The following ZBBX variants were observed in gnomAD, a reference collection of about 807,000 sequenced individuals.
The protein encoded by ZBBX is zinc finger B-box domain-containing protein 1.
In ZBBX, 101 loss-of-function variants were observed where a neutral mutation model predicts 108.5. The observed-to-expected ratio is 0.93, with a 90% CI of 0.79 to 1.10. The LOEUF (loss-of-function observed/expected upper bound fraction) is 1.10, where lower values mean the gene tolerates loss of function less well. Among genes scored for constraint, ZBBX ranks in the 50% least tolerant of loss-of-function variants. The pLI, the probability that ZBBX is intolerant of heterozygous loss-of-function variation, is 0.00. For missense variants in ZBBX, 1,009 were observed against 941.4 expected (o/e 1.07, Z -0.94); for synonymous variants, 356 against 323.4 (o/e 1.10, Z -1.08).
At chr3:167,273,128 T>C (rs906817817) in intron 20 of ZBBX, among the ~76,000 whole-genome samples, 3 of 152,350 alleles carry the variant, frequency 2.0e-5, no homozygotes, top group East Asian at 3.9e-4. Flanking sequence ...CTGAGCTTTC[T>C]TCTAATCAGA....
exon 1 of ZBBX, among the ~76,000 whole-genome samples, chr3:167,407,841 T>C (rs1474311097): frequency 6.6e-6 from 1 of 152,014 alleles, no homozygotes; most frequent in African/African-American, 2.4e-5. Context: ...GGGTCAATTG[T>C]ATTCTAATTA....
chr3:167,186,901 T>C, the ZBBX span, among the ~76,000 whole-genome samples: 1 of 152,182 alleles, frequency 6.6e-6, no homozygotes, highest in African/African-American at 2.4e-5. Context: ...ATGTGTGTCA[T>C]ATTTTTCTCA....
rs1173120240 is a variant in ZBBX at position 167,368,541 on chromosome 3, C to A, written c.102G>T (p.Gln34His). Reference sequence around the variant, plus strand: ...CCATCTCTTGGTTCTCAAACTCTAACTGTACTTTCTCCATTCGCAGTTCTT... The same window carrying A: ...CCATCTCTTGGTTCTCAAACTCTAAATGTACTTTCTCCATTCGCAGTTCTT... Reference protein sequence around the residue: ...NAQELRMEKVQLEFENQEMEK... With the variant: ...NAQELRMEKVHLEFENQEMEK... The change falls in exon 5 of 22, where the codon CAG (glutamine) becomes CAT (histidine). Residue 34 changes from glutamine (Q) to histidine (H), a missense_variant. Physicochemically the swap from Gln to His is conservative, Grantham distance 24. Transcript: ENST00000675490. 6.2e-7 allele frequency: 1 copy of A among 1,611,402 alleles called. No homozygotes were observed. The highest frequency in any genetic ancestry group is 2.2e-5 in the East Asian group (1 of 44,626).
At chr3:167,370,965 T>C (rs1246733446) in intron 4 of ZBBX, among the ~76,000 whole-genome samples, 1 of 151,924 alleles carries the variant, frequency 6.6e-6, no homozygotes, top group Admixed American at 6.6e-5. Context: ...AGAAATAAGA[T>C]TGAAATGGTT....
intron 20 of ZBBX, among the ~76,000 whole-genome samples, chr3:167,245,818 T>TC (rs1200789564): frequency 3.3e-5 from 5 of 151,250 alleles, no homozygotes; most frequent in Non-Finnish European, 5.9e-5. Context: ...CAATTAAACT[T>TC]CTTTTTTTTT....
chr3:167,224,149 C>T, the ZBBX span, among the ~76,000 whole-genome samples: 1 of 152,060 alleles, frequency 6.6e-6, no homozygotes, highest in South Asian at 2.1e-4. Flanking sequence ...CCCAGTAAGC[C>T]TCTGAATTAA....
intron 16 of ZBBX, among the ~76,000 whole-genome samples, chr3:167,309,027 TC>T (rs1390956796): frequency 1.3e-5 from 2 of 152,170 alleles, no homozygotes; most frequent in East Asian, 3.9e-4. Context: ...ATCACCTGTT[TC>T]CCCAGCAACA....
At chr3:167,241,311 A>G in intron 21 of ZBBX, among the ~76,000 whole-genome samples, 1 of 152,306 alleles carries the variant, frequency 6.6e-6, no homozygotes, top group South Asian at 2.1e-4. Flanking sequence ...TCTCTTTTGT[A>G]TACTGTAAAT....
chr3:167,315,481 C>T (rs866368060), intron 15 of ZBBX, among the ~76,000 whole-genome samples: 1 of 152,090 alleles, frequency 6.6e-6, no homozygotes, highest in Admixed American at 6.6e-5. Context: ...AGGATAACAA[C>T]CCCTAAGTTC....
At chr3:167,375,701 T>G (rs1746852248) in intron 2 of ZBBX, among the ~76,000 whole-genome samples, 1 of 152,144 alleles carries the variant, frequency 6.6e-6, no homozygotes, top group South Asian at 2.1e-4. Flanking sequence ...ACTATTTTTT[T>G]TTCACTCAAA....
At chr3:167,262,236 G>A (rs1204161861) in intron 20 of ZBBX, among the ~76,000 whole-genome samples, 1 of 152,160 alleles carries the variant, frequency 6.6e-6, no homozygotes, top group East Asian at 1.9e-4. Flanking sequence ...TCCTGCAGGA[G>A]CAGTCTGCTT....
chr3:167,395,377 G>C (rs188726018), intron 1 of ZBBX, among the ~76,000 whole-genome samples: 113 of 152,154 alleles, frequency 7.4e-4, no homozygotes, highest in African/African-American at 2.5e-3. Flanking sequence ...CAGAAATGAG[G>C]ATGTGAATGC....
chr3:167,305,555 G>C (rs1733481295), intron 17 of ZBBX, 88 bp downstream of exon 17: 7 of 1,034,888 alleles, frequency 6.8e-6, no homozygotes, highest in Non-Finnish European at 9.2e-6. Context: ...TTAATAGGAA[G>C]TAACTTGAGA....
At chr3:167,356,064 C>T (rs2108519357) in intron 8 of ZBBX, among the ~76,000 whole-genome samples, 1 of 152,138 alleles carries the variant, frequency 6.6e-6, no homozygotes, top group African/African-American at 2.4e-5. Flanking sequence ...TTCCATGGCT[C>T]AAGTGCTTAC....
intron 18 of ZBBX, among the ~76,000 whole-genome samples, chr3:167,292,733 A>T (rs966130730): frequency 1.3e-5 from 2 of 152,190 alleles, no homozygotes; most frequent in Non-Finnish European, 2.9e-5. Flanking sequence ...AGACACAAAA[A>T]ACCCTTCAAA....
intron 1 of ZBBX, among the ~76,000 whole-genome samples, chr3:167,386,761 A>G (rs1560214385): frequency 1.3e-5 from 2 of 152,054 alleles, no homozygotes; most frequent in Non-Finnish European, 2.9e-5. Flanking sequence ...CCAAGTTTCA[A>G]TAAGTGTATC....
intron 1 of ZBBX, among the ~76,000 whole-genome samples, chr3:167,398,078 A>G (rs1417673409): frequency 6.6e-6 from 1 of 151,100 alleles, no homozygotes; most frequent in Non-Finnish European, 1.5e-5. Context: ...ACAAGATGAG[A>G]AAAAAAAATG....
chr3:167,204,754 C>A, the ZBBX span, among the ~76,000 whole-genome samples: 1 of 151,800 alleles, frequency 6.6e-6, no homozygotes, highest in Non-Finnish European at 1.5e-5. Context: ...TGGGTATATA[C>A]CCAGTAATGG....
chr3:167,379,420 A>C (rs1192815177), intron 2 of ZBBX, among the ~76,000 whole-genome samples: 1 of 152,254 alleles, frequency 6.6e-6, no homozygotes, highest in Non-Finnish European at 1.5e-5. Flanking sequence ...TTTGTAATAC[A>C]ATTGGTAAAA....
Sources: allele counts gnomAD v4.1 joint callset (sites outside exome capture counted in the v4.1 genomes callset), GRCh38; gene constraint gnomAD v4.1.1; transcripts MANE v1.5; gene names NCBI Gene and HGNC (gene_info 2026-07-23, HGNC 2026-07-21).